Variants in ITGA5 observed in about 807,000 individuals in gnomAD.
ITGA5 encodes integrin subunit alpha 5, also known as integrin alpha-5.
In ITGA5, 55 loss-of-function variants were observed where a neutral mutation model predicts 146.3. The observed-to-expected ratio is 0.38, with a 90% CI of 0.30 to 0.47. The LOEUF is 0.47. Among genes scored for constraint, ITGA5 ranks in the 20% least tolerant of loss-of-function variants. The pLI is 0.99. For synonymous variants in ITGA5, 500 were observed against 531.8 expected (o/e 0.94, Z 0.82); for missense variants, 1,131 against 1,329.0 (o/e 0.85, Z 2.32).
Position 54,404,883 on chromosome 12 carries a change from C to A in ITGA5, c.1237G>T (p.Gly413Trp). Reference sequence around the variant, plus strand: ...TGGGTCTCCCCACCAAAGGGAGCCCCGATGGCCACATCTGGAAGACACAGA... The same window carrying A: ...TGGGTCTCCCCACCAAAGGGAGCCCAGATGGCCACATCTGGAAGACACAGA... ...DQDGYNDVAIGAPFGGETQQG... is the reference protein window; with the variant it reads ...DQDGYNDVAIWAPFGGETQQG... Residue 413 changes from glycine to tryptophan, a missense_variant, in exon 13 of 30, where the codon GGG becomes TGG. By Grantham distance (184) the Gly-to-Trp change is radical (BLOSUM62 -2). This residue lies in a region of ITGA5 where 889 missense variants were observed against 1,021.5 expected (regional missense o/e 0.87). Transcript: ENST00000293379. The A allele has an allele frequency of 6.3e-7, 1 of 1,579,152 alleles. No homozygotes were observed. The highest frequency in any genetic ancestry group is 8.6e-7 in the Non-Finnish European group (1 of 1,165,858).
In ITGA5 at chr12:54,419,000, A is replaced by G; in HGVS notation, c.199T>C (p.Tyr67His). Residue 67 changes from tyrosine to histidine, a missense_variant, in exon 1 of 30, where the codon TAC becomes CAC. Tyr to His is a moderately conservative substitution (Grantham distance 83). Transcript: ENST00000293379. ...ACTCACCCGTCTGTTCCCGGCCGGT[A>G]AAACTCCACTGAGAATCCGAAGAAG... ...GSFFGFSVEF[Y>H]RPGTDGVSVL... The G allele has an allele frequency of 1.2e-6, 2 of 1,608,640 alleles. No homozygotes were observed. The highest frequency in any genetic ancestry group is 1.7e-6 in the Non-Finnish European group (2 of 1,178,236).
At chr12:54,414,875 G>A (rs1449635398) in intron 1 of ITGA5, among the ~76,000 whole-genome samples, 1 of 151,790 alleles carries the variant, frequency 6.6e-6, no homozygotes, top group Non-Finnish European at 1.5e-5. Flanking sequence ...ACGGCCAGGC[G>A]TGGTGGCTCA....
intron 1 of ITGA5, among the ~76,000 whole-genome samples, chr12:54,414,229 C>A (rs1396642298): frequency 6.6e-6 from 1 of 152,214 alleles, no homozygotes; most frequent in Non-Finnish European, 1.5e-5. Context: ...GCCAACACGC[C>A]AAGTGAGGTG....
At chr12:54,418,357 G>A (rs1006277150) in intron 1 of ITGA5, among the ~76,000 whole-genome samples, 5 of 151,918 alleles carry the variant, frequency 3.3e-5, no homozygotes, top group African/African-American at 1.2e-4. Flanking sequence ...GGGGCGGAGG[G>A]AGGAGTAGGA....
At chr12:54,407,949 C>T (rs1366550147) in intron 7 of ITGA5, 73 bp from the exon 8 acceptor site, 1 of 1,520,612 alleles carries the variant, frequency 6.6e-7, no homozygotes, top group Non-Finnish European at 8.9e-7. Context: ...TCCACCAATC[C>T]CTTCCCCACC....
rs751328003 is a variant in ITGA5 at position 54,402,029 on chromosome 12, A to G, written c.2198T>C (p.Leu733Pro). ...VNQSRLLVCD[L>P]GNPMKAGASL... ...GGCTCCTGCCTTCATGGGGTTGCCC[A>G]GGTCACACACCAGCAGGCGGCTCTG... is the stretch of plus-strand genomic sequence containing the variant. The change falls in exon 21 of 30, where the codon CTG becomes CCG. Residue 733 changes from leucine (L) to proline (P), a missense_variant. Physicochemically the swap from Leu to Pro is moderately conservative, Grantham distance 98. Around this residue, in one of 3 missense-constraint regions of ITGA5, gnomAD observed 889 missense variants for 1,021.5 expected, o/e 0.87. Coordinates refer to ENST00000293379, the MANE Select transcript of ITGA5 (RefSeq NM_002205.5). 1.2e-6 allele frequency: 2 copies of G among 1,614,190 alleles called. No homozygotes were observed. Among genetic ancestry groups the G allele is most frequent in the South Asian group, 1.1e-5 (1 of 91,088 alleles).
chr12:54,400,762 A>G, intron 25 of ITGA5, 84 bp downstream of exon 25: 1 of 1,380,262 alleles, frequency 7.2e-7, no homozygotes, highest in Middle Eastern at 2.0e-4. Context: ...TGCCTCTTGC[A>G]GGCCCCCAGC....
At chr12:54,397,562 T>C in intron 28 of ITGA5, 75 bp from the exon 29 acceptor site, 1 of 1,574,308 alleles carries the variant, frequency 6.4e-7, no homozygotes, top group African/African-American at 1.3e-5. Context: ...CCACTTGTCA[T>C]TGGATCTGCA....
At chr12:54,411,230 A>G (rs112902079) in intron 2 of ITGA5, among the ~76,000 whole-genome samples, 2 of 152,256 alleles carry the variant, frequency 1.3e-5, no homozygotes, top group Admixed American at 6.5e-5. Context: ...TGCTAGCTGT[A>G]TAACCTTGGA....
At chr12:54,404,407 T>G (rs1955832974) in intron 14 of ITGA5, 23 bp downstream of exon 14, 1 of 1,612,724 alleles carries the variant, frequency 6.2e-7, no homozygotes, top group Non-Finnish European at 8.5e-7. Flanking sequence ...GGTTGTCCCC[T>G]CATCTCCCTT....
At chr12:54,410,773 C>T (rs1358309538) in intron 2 of ITGA5, among the ~76,000 whole-genome samples, 3 of 151,610 alleles carry the variant, frequency 2.0e-5, no homozygotes, top group African/African-American at 7.3e-5. Flanking sequence ...GTAGCCCACG[C>T]TGGAGTGCAG....
Position 54,405,321 on chromosome 12 carries a change from C to T in ITGA5, c.1070G>A (p.Gly357Glu), listed in dbSNP as rs146614663. 70 of 1,612,754 alleles carry T rather than the reference C, an allele frequency of 4.3e-5. No homozygotes were observed. Among genetic ancestry groups the T allele is most frequent in the Non-Finnish European group, 5.3e-5 (63 of 1,179,822 alleles). ...APLLMDRTPDGRPQEVGRVYV... is the reference protein window; with the variant it reads ...APLLMDRTPDERPQEVGRVYV... Reference sequence around the variant, plus strand: ...GACCCTGCCCACCTCCTGAGGCCGCCCGTCAGGGGTCCGATCCATGAGCAG... The same window carrying T: ...GACCCTGCCCACCTCCTGAGGCCGCTCGTCAGGGGTCCGATCCATGAGCAG... The change falls in exon 12 of 30, where the codon GGG (glycine) becomes GAG (glutamate). Residue 357 changes from glycine to glutamate, a missense_variant. Physicochemically the swap from Gly to Glu is moderately conservative, Grantham distance 98. Transcript: ENST00000293379.
rs755121607 is a variant in ITGA5 at position 54,405,886 on chromosome 12, T to C, written c.947A>G (p.Asn316Ser). The change falls in exon 10 of 30, where the codon AAC becomes AGC. Residue 316 changes from asparagine (N) to serine (S), a missense_variant. By Grantham distance (46) the Asn-to-Ser change is conservative. Coordinates refer to ENST00000293379, the MANE Select transcript of ITGA5 (RefSeq NM_002205.5). Reference sequence around the variant, plus strand: ...TATCCTTACCTGTTCCCCTGAGAAGTTGTAGAGGGATCGAATGTCTGAGCC... The same window carrying C: ...TATCCTTACCTGTTCCCCTGAGAAGCTGTAGAGGGATCGAATGTCTGAGCC... ...LNGSDIRSLYNFSGEQMASYF... is the reference protein window; with the variant it reads ...LNGSDIRSLYSFSGEQMASYF... The C allele has an allele frequency of 4.3e-6, 7 of 1,613,898 alleles. No individual in the cohort carries two copies. Among genetic ancestry groups the C allele is most frequent in the East Asian group, 2.2e-5 (1 of 44,880 alleles).
chr12:54,402,813 C>T (rs186801122), intron 19 of ITGA5, among the ~76,000 whole-genome samples, 170 bp downstream of exon 19: 13 of 152,224 alleles, frequency 8.5e-5, no homozygotes, highest in African/African-American at 2.9e-4. Context: ...TTTAATCTTT[C>T]CAAAAAGTCT....
At chr12:54,418,844 G>C in intron 1 of ITGA5, 137 bp downstream of exon 1, 6 of 1,059,486 alleles carry the variant, frequency 5.7e-6, no homozygotes, top group Non-Finnish European at 8.0e-6. Flanking sequence ...ACTCTAGCCA[G>C]GGCCCCCAAC....
At chr12:54,399,042 T>G (rs1592283627) in intron 27 of ITGA5, among the ~76,000 whole-genome samples, 2 of 152,110 alleles carry the variant, frequency 1.3e-5, no homozygotes, top group East Asian at 3.9e-4. Context: ...AAGTGGAGTT[T>G]TGCCATGTTG....
rs1480185107 is a variant in ITGA5 at position 54,409,399 on chromosome 12, C to T, written c.463-47G>A. On this transcript the variant is annotated intron_variant, in intron 3 of 29. Transcript: ENST00000293379. This position sits in a 1 kb window ranked among gnomAD's most constrained non-coding sequence, Gnocchi z 4.7. Reference sequence around the variant, plus strand: ...GGCCTTCAGATTCAGTCCAATAAGGCCCTTCCTCCCTCCCTCCAGGCCCGG... The same window carrying T: ...GGCCTTCAGATTCAGTCCAATAAGGTCCTTCCTCCCTCCCTCCAGGCCCGG... 6.2e-7 allele frequency: 1 copy of T among 1,607,564 alleles called. No individual in the cohort carries two copies. Among genetic ancestry groups the T allele is most frequent in the Non-Finnish European group, 8.5e-7 (1 of 1,176,980 alleles).
intron 9 of ITGA5, 21 bp downstream of exon 9, chr12:54,407,628 A>G (rs757041717): frequency 1.2e-6 from 2 of 1,602,576 alleles, no homozygotes; most frequent in Non-Finnish European, 1.7e-6. Flanking sequence ...AGAGGAAGTG[A>G]GGGGTCAGGC....
chr12:54,403,018 G>GCC lies in ITGA5; in HGVS notation c.1946_1947insGG (p.Asn649LysfsTer27), dbSNP rs766609395. Reference sequence around the variant, plus strand: ...CCAGCTGCAGGTCAGGCACACAGATGTTGTCTTCTCCACAGTCCAGCAAGA... The same window carrying GCC: ...CCAGCTGCAGGTCAGGCACACAGATGCCTTGTCTTCTCCACAGTCCAGCAAGA... On this transcript the variant is annotated frameshift_variant, in exon 19 of 30. Transcript: ENST00000293379. LOFTEE classifies it high-confidence loss of function. This position sits in a 1 kb window ranked among gnomAD's most constrained non-coding sequence, Gnocchi z 4.9. 6.2e-7 allele frequency: 1 copy of GCC among 1,614,130 alleles called. No individual in the cohort carries two copies. Among genetic ancestry groups the GCC allele is most frequent in the Admixed American group, 1.7e-5 (1 of 60,020 alleles).
Sources: allele counts gnomAD v4.1 joint callset (sites outside exome capture counted in the v4.1 genomes callset), GRCh38; gene constraint gnomAD v4.1.1; regional missense constraint gnomAD v4.1.1; non-coding constraint Gnocchi (gnomAD v3.1); transcripts MANE v1.5; gene names NCBI Gene and HGNC (gene_info 2026-07-23, HGNC 2026-07-21).